The following PUDP variants were observed in gnomAD, a reference collection of about 807,000 sequenced individuals.
PUDP encodes the protein pseudouridine-5'-phosphatase.
Under a neutral mutation model 9.4 loss-of-function variants are expected in PUDP, and 8 were observed. That is an observed-to-expected ratio of 0.85 (90% CI 0.50 to 1.53). PUDP has a LOEUF of 1.53. Ranked by LOEUF, PUDP falls within the 40% of genes most tolerant of loss-of-function variation. PUDP has a pLI of 0.00. For missense variants in PUDP, 188 were observed against 189.7 expected, an observed-to-expected ratio of 0.99 and a Z score of 0.05; for synonymous variants, 99 against 80.7, an observed-to-expected ratio of 1.23 and a Z score of -1.22.
downstream of PUDP, among the ~76,000 whole-genome samples, chrX:7,046,998 G>T (rs766658225): frequency 8.9e-6 from 1 of 111,912 alleles, no homozygotes; most frequent in Non-Finnish European, 1.9e-5. Flanking sequence ...TAATACAAGG[G>T]TGATAGTTTT....
chrX:7,128,920 G>T (rs1017302947), intron 1 of PUDP, among the ~76,000 whole-genome samples: 1 of 111,553 alleles, frequency 9.0e-6, no homozygotes, highest in African/African-American at 3.3e-5. Context: ...TTTTTTATAT[G>T]AGATTATAAA....
intron 3 of PUDP, among the ~76,000 whole-genome samples, chrX:7,068,734 A>G (rs1414898315): frequency 8.9e-6 from 1 of 111,911 alleles, no homozygotes; most frequent in Non-Finnish European, 1.9e-5. Flanking sequence ...AAAATGTGGG[A>G]AAATGGAGTG....
At chrX:6,808,508 G>A (rs1318527143) in intron 3 of PUDP, among the ~76,000 whole-genome samples, 1 of 111,687 alleles carries the variant, frequency 9.0e-6, no homozygotes, top group Non-Finnish European at 1.9e-5. Flanking sequence ...CACATTTATG[G>A]TCTGATTTTG....
chrX:7,033,728 G>C (rs1479844957), intron 1 of PUDP, among the ~76,000 whole-genome samples: 1 of 111,448 alleles, frequency 9.0e-6, no homozygotes, highest in East Asian at 2.8e-4. Context: ...CAAAGCTCAG[G>C]GAAGAACAAC....
chrX:6,957,173 G>A (rs1353737756), intron 3 of PUDP, among the ~76,000 whole-genome samples: 1 of 111,453 alleles, frequency 9.0e-6, no homozygotes, highest in Admixed American at 9.6e-5. Context: ...TTGAAGATAA[G>A]GTTAAAGAGA....
At chrX:6,853,307 T>A (rs1926855191) in intron 3 of PUDP, among the ~76,000 whole-genome samples, 1 of 111,186 alleles carries the variant, frequency 9.0e-6, no homozygotes, top group Non-Finnish European at 1.9e-5. Context: ...CTCTCTCACA[T>A]GGAACATAGT....
At chrX:6,813,531 G>A (rs1451790651) in intron 3 of PUDP, among the ~76,000 whole-genome samples, 2 of 111,581 alleles carry the variant, frequency 1.8e-5, no homozygotes, top group East Asian at 5.7e-4. Context: ...TGTAAGAGGA[G>A]AAAAATGGTC....
At chrX:6,759,197 T>C (rs1046427722) in intron 3 of PUDP, among the ~76,000 whole-genome samples, 84 of 112,442 alleles carry the variant, frequency 7.5e-4, no homozygotes, top group African/African-American at 2.3e-3. Flanking sequence ...TTTTCCTGGG[T>C]CATCAATCTG....
At chrX:6,992,462 C>T (rs1441558596) in intron 1 of PUDP, among the ~76,000 whole-genome samples, 1 of 107,218 alleles carries the variant, frequency 9.3e-6, no homozygotes. Context: ...TTAGTAGAGA[C>T]GGGGTTTCAC....
chrX:7,041,789 G>A (rs949536276), intron 1 of PUDP, among the ~76,000 whole-genome samples: 1 of 110,404 alleles, frequency 9.1e-6, no homozygotes, highest in East Asian at 2.9e-4. Flanking sequence ...ATCTCCAATG[G>A]TCCCTGCATT....
intron 1 of PUDP, among the ~76,000 whole-genome samples, chrX:7,007,190 C>T (rs1168561735): frequency 1.8e-4 from 20 of 111,143 alleles, no homozygotes; most frequent in Non-Finnish European, 1.1e-4. Flanking sequence ...AGGGAGGTAG[C>T]TACCTGCAGG....
chrX:6,890,070 A>G (rs1927489863), intron 3 of PUDP, among the ~76,000 whole-genome samples: 1 of 111,668 alleles, frequency 9.0e-6, no homozygotes. Flanking sequence ...AGTGCTGGAA[A>G]CCAGGAAGAC....
intron 3 of PUDP, among the ~76,000 whole-genome samples, chrX:6,860,468 G>GT (rs1462065871): frequency 0.062 from 6,187 of 100,063 alleles, 335 homozygotes; most frequent in East Asian, 0.31. Context: ...GTGGTTTTTT[G>GT]TTTTTTGTTT....
intron 3 of PUDP, among the ~76,000 whole-genome samples, chrX:6,862,008 T>G (rs997895147): frequency 8.9e-6 from 1 of 111,767 alleles, no homozygotes; most frequent in Non-Finnish European, 1.9e-5. Flanking sequence ...CAGCTTGCTG[T>G]GAACCCTCTA....
chrX:7,035,181 T>C (rs1929838237), intron 1 of PUDP, among the ~76,000 whole-genome samples: 1 of 112,017 alleles, frequency 8.9e-6, no homozygotes, highest in Non-Finnish European at 1.9e-5. Context: ...ATGATTTTTA[T>C]TGTATTGGAA....
At chrX:6,778,686 G>C (rs373505669) in intron 3 of PUDP, among the ~76,000 whole-genome samples, 1 of 112,404 alleles carries the variant, frequency 8.9e-6, no homozygotes, top group Non-Finnish European at 1.9e-5. Context: ...CTTCCGAGGA[G>C]GCCGGGGACC....
At chrX:7,043,816 C>T (rs935882416) in intron 1 of PUDP, among the ~76,000 whole-genome samples, 7 of 111,553 alleles carry the variant, frequency 6.3e-5, no homozygotes, top group African/African-American at 2.3e-4. Context: ...AATTAAAAGT[C>T]AAAAACAGTG....
intron 3 of PUDP, among the ~76,000 whole-genome samples, chrX:6,803,102 T>C (rs946085865): frequency 2.3e-4 from 22 of 96,405 alleles, no homozygotes; most frequent in Non-Finnish European, 4.1e-4. Flanking sequence ...TAAAATAAAA[T>C]AAAATAAAAT....
chrX:6,744,529 T>C (rs1924975199), intron 3 of PUDP, among the ~76,000 whole-genome samples: 1 of 112,078 alleles, frequency 8.9e-6, no homozygotes. Flanking sequence ...ATTCTGATAA[T>C]CATTGAGTCT....
Sources: allele counts gnomAD v4.1 joint callset (sites outside exome capture counted in the v4.1 genomes callset), GRCh38; gene constraint gnomAD v4.1.1; transcripts MANE v1.5; gene names NCBI Gene and HGNC (gene_info 2026-07-23, HGNC 2026-07-21).